PCDHGC3: variants seen among roughly 807,000 people sequenced by gnomAD.
PCDHGC3 encodes the protein protocadherin gamma subfamily C, 3, also known as protocadherin gamma-C3.
A neutral mutation model predicts 59.2 loss-of-function variants in PCDHGC3; 26 were observed. That is an observed-to-expected ratio of 0.44 (90% CI 0.32 to 0.61). PCDHGC3 has a LOEUF of 0.61. Among genes scored for constraint, PCDHGC3 ranks in the 20% least tolerant of loss-of-function variants. The pLI is 0.05. For missense variants in PCDHGC3, 1,080 were observed against 1,221.8 expected, an observed-to-expected ratio of 0.88 and a Z score of 1.73; for synonymous variants, 487 against 519.7, an observed-to-expected ratio of 0.94 and a Z score of 0.86.
In PCDHGC3 at chr5:141,487,737, T is replaced by G. The variant is rs1019622307; in HGVS notation, c.2431-7070T>G. 1 of 1,563,758 alleles carries G rather than the reference T, an allele frequency of 6.4e-7. No homozygotes were observed. The highest frequency in any genetic ancestry group is 8.7e-7 in the Non-Finnish European group (1 of 1,152,772). On this transcript the variant is annotated intron_variant, in intron 1 of 3. Transcript: ENST00000308177. This position sits in a 1 kb window ranked among gnomAD's most constrained non-coding sequence, Gnocchi z 5.0. ...GCCCATAGTGATGTCACCATTTTTG[T>G]AAGAGGTAACTATGTGGTAGACGCT...
chr5:141,477,245 A>G lies in PCDHGC3; in HGVS notation c.1129A>G (p.Thr377Ala). The change falls in exon 1 of 4, where the codon ACT (threonine) becomes GCT (alanine). Residue 377 changes from threonine to alanine, a missense_variant. Physicochemically the swap from Thr to Ala is moderately conservative, Grantham distance 58. Transcript: ENST00000308177. The surrounding 1 kb of genome is among the most constrained non-coding windows in gnomAD (Gnocchi z 4.9). ...LGTVIALLSVTDLDAGENGLV... is the reference protein window; with the variant it reads ...LGTVIALLSVADLDAGENGLV... ...GACTGTCATCGCTTTGCTCAGTGTG[A>G]CTGACCTGGATGCTGGCGAGAACGG... 3.7e-6 allele frequency: 6 copies of G among 1,614,128 alleles called. No homozygotes were observed. The highest frequency in any genetic ancestry group is 5.1e-6 in the Non-Finnish European group (6 of 1,180,026).
chr5:141,490,321 G>C lies in PCDHGC3; in HGVS notation c.2431-4486G>C. On this transcript the variant is annotated intron_variant, in intron 1 of 3. Coordinates refer to ENST00000308177, the MANE Select transcript of PCDHGC3 (RefSeq NM_002588.4). The surrounding 1 kb of genome is among the most constrained non-coding windows in gnomAD (Gnocchi z 5.4). ...GGCCTCTTTGGCCAACCCTGTCCTA[G>C]AGAGCACACCAGTGGGCACAGTAGT... 1.2e-6 allele frequency: 2 copies of C among 1,614,220 alleles called. No homozygotes were observed. The highest frequency in any genetic ancestry group is 1.7e-6 in the Non-Finnish European group (2 of 1,180,044).
rs561908431 is a variant in PCDHGC3, at chr5:141,510,639, TATC to T, written c.2579-304_2579-302del. Among the ~76,000 whole-genome samples the T allele has an allele frequency of 8.5e-3, 1,289 of 152,298 alleles. 6 individuals carry two copies. Among genetic ancestry groups the T allele is most frequent in the Middle Eastern group, 0.058 (17 of 294 alleles). On this transcript the variant is annotated intron_variant, in intron 3 of 3. Transcript: ENST00000308177. ...TAAAACCAGAAGAGGTGGTTACCAT[TATC>T]ATCCCCATTTTGCAGATGAGAAAAC...
rs778684539 is a variant in PCDHGC3 at position 141,477,205 on chromosome 5, G to A, written c.1089G>A (p.Glu363=). ...CCTCCGTGTACAGCCCAGTACCCGA[G>A]GATGCCCCTCTGGGGACTGTCATCG... ...TVTSVYSPVP[E]DAPLGTVIAL... The change falls in exon 1 of 4, where the codon GAG becomes GAA. Residue 363 remains glutamate (E), a synonymous_variant. Transcript: ENST00000308177. The surrounding 1 kb of genome is among the most constrained non-coding windows in gnomAD (Gnocchi z 4.9). 1 of 1,614,184 alleles carries A rather than the reference G, an allele frequency of 6.2e-7. No homozygotes were observed. The highest frequency in any genetic ancestry group is 8.5e-7 in the Non-Finnish European group (1 of 1,180,042).
chr5:141,477,301 C>T lies in PCDHGC3; in HGVS notation c.1185C>T (p.Leu395=), dbSNP rs756549446. The T allele has an allele frequency of 6.2e-7, 1 of 1,614,160 alleles. No homozygotes were observed. Among genetic ancestry groups the T allele is most frequent in the East Asian group, 2.2e-5 (1 of 44,872 alleles). Reference sequence around the variant, plus strand: ...TGACCTGCGAAGTTCCACCGGGTCTCCCTTTCAGCCTTACTTCTTCCCTCA... The same window carrying T: ...TGACCTGCGAAGTTCCACCGGGTCTTCCTTTCAGCCTTACTTCTTCCCTCA... ...GLVTCEVPPG[L]PFSLTSSLKN... Residue 395 remains leucine (L), a synonymous_variant, in exon 1 of 4, where the codon CTC becomes CTT. Coordinates refer to ENST00000308177, the MANE Select transcript of PCDHGC3 (RefSeq NM_002588.4). The surrounding 1 kb of genome is among the most constrained non-coding windows in gnomAD (Gnocchi z 4.9).
At chr5:141,483,385 G>C (rs1166547027) in intron 1 of PCDHGC3, among the ~76,000 whole-genome samples, 1 of 152,160 alleles carries the variant, frequency 6.6e-6, no homozygotes, top group Non-Finnish European at 1.5e-5. Context: ...AGAGAAGATT[G>C]ATAAATGCTT....
In PCDHGC3 at chr5:141,489,958, C is replaced by T; in HGVS notation, c.2431-4849C>T. 1 of 1,614,202 alleles carries T rather than the reference C, an allele frequency of 6.2e-7. No individual in the cohort carries two copies. The highest frequency in any genetic ancestry group is 8.5e-7 in the Non-Finnish European group (1 of 1,180,016). On this transcript the variant is annotated intron_variant, in intron 1 of 3. Transcript: ENST00000308177. This position sits in a 1 kb window ranked among gnomAD's most constrained non-coding sequence, Gnocchi z 4.5. ...CGTGCTGGACATCAATGATAATGCT[C>T]CAACCTTCCAATCCTCAGTTCTACG... is the stretch of plus-strand genomic sequence containing the variant.
At chr5:141,482,089 CAA>C (rs36035257) in intron 1 of PCDHGC3, among the ~76,000 whole-genome samples, 9,071 of 134,384 alleles carry the variant, frequency 0.068, 318 homozygotes, top group South Asian at 0.13. Context: ...CACTCCATCT[CAA>C]AAAAAAAAAA....
chr5:141,505,246 G>GAAGT, intron 2 of PCDHGC3, 147 bp from the exon 3 acceptor site: 3 of 1,436,674 alleles, frequency 2.1e-6, no homozygotes, highest in Non-Finnish European at 2.8e-6. Context: ...AAGGATTGTA[G>GAAGT]AAGTGCCTCC....
At chr5:141,502,739 A>C (rs1287180048) in intron 2 of PCDHGC3, among the ~76,000 whole-genome samples, 1 of 152,070 alleles carries the variant, frequency 6.6e-6, no homozygotes, top group Non-Finnish European at 1.5e-5. Flanking sequence ...ATGTTCTGTC[A>C]TTCCTTCTAC....
At chr5:141,506,930 T>C (rs2099857287) in intron 3 of PCDHGC3, among the ~76,000 whole-genome samples, 1 of 152,150 alleles carries the variant, frequency 6.6e-6, no homozygotes, top group African/African-American at 2.4e-5. Context: ...AAACAAACTT[T>C]AGGGGCCTCC....
In PCDHGC3 at chr5:141,487,161, T is replaced by G; in HGVS notation, c.2431-7646T>G. ...CTCTCTACCTCTGTTACTCTCTTAGTGTCCTTAGAGGAAGACACTCATCCA... is the reference window on the plus strand; with the variant it reads ...CTCTCTACCTCTGTTACTCTCTTAGGGTCCTTAGAGGAAGACACTCATCCA... On this transcript the variant is annotated intron_variant, in intron 1 of 3. Transcript: ENST00000308177. The surrounding 1 kb of genome is among the most constrained non-coding windows in gnomAD (Gnocchi z 5.0). The G allele has an allele frequency of 6.2e-7, 1 of 1,613,528 alleles. No individual in the cohort carries two copies. The highest frequency in any genetic ancestry group is 1.1e-5 in the South Asian group (1 of 91,072).
At chr5:141,479,048 C>A (rs1253895615) in intron 1 of PCDHGC3, among the ~76,000 whole-genome samples, 1 of 152,150 alleles carries the variant, frequency 6.6e-6, no homozygotes, top group Admixed American at 6.5e-5. Flanking sequence ...GTACCTCATT[C>A]TCAGATAATT....
rs1322608789 is a variant in PCDHGC3, at chr5:141,485,671, G to A, written c.2430+7125G>A. 3 of 1,612,860 alleles carry A rather than the reference G, an allele frequency of 1.9e-6. No homozygotes were observed. The highest frequency in any genetic ancestry group is 2.5e-6 in the Non-Finnish European group (3 of 1,179,040). On this transcript the variant is annotated intron_variant, in intron 1 of 3. Coordinates refer to ENST00000308177, the MANE Select transcript of PCDHGC3 (RefSeq NM_002588.4). This position sits in a 1 kb window ranked among gnomAD's most constrained non-coding sequence, Gnocchi z 5.7. Reference sequence around the variant, plus strand: ...AGGATGCAGATGTGGGGAGCAATTCGATTAGCAGCTATAGGCTGAGCTCCA... The same window carrying A: ...AGGATGCAGATGTGGGGAGCAATTCAATTAGCAGCTATAGGCTGAGCTCCA...
At chr5:141,503,229 T>C (rs986982708) in intron 2 of PCDHGC3, among the ~76,000 whole-genome samples, 1 of 152,080 alleles carries the variant, frequency 6.6e-6, no homozygotes, top group African/African-American at 2.4e-5. Context: ...ACCGTAAAGA[T>C]GGACAGTTTC....
intron 1 of PCDHGC3, 102 bp from the exon 2 acceptor site, chr5:141,494,705 G>A (rs2099756254): frequency 1.3e-6 from 2 of 1,597,990 alleles, no homozygotes; most frequent in East Asian, 2.2e-5. Context: ...TTTCTTCTCT[G>A]TGCCCACTCC....
At chr5:141,505,106 G>A (rs934779049) in intron 2 of PCDHGC3, among the ~76,000 whole-genome samples, 1 of 152,188 alleles carries the variant, frequency 6.6e-6, no homozygotes, top group Non-Finnish European at 1.5e-5. Context: ...ATGTTGCAAT[G>A]AGCCAAGATC....
At position 141,487,710 on chromosome 5, in the gene PCDHGC3, G is replaced by A. The variant is rs199722860; in HGVS notation, c.2431-7097G>A. ...CTAGAGAGTACTGGCCTCTCAGTAA[G>A]TGCCCATAGTGATGTCACCATTTTT... On this transcript the variant is annotated intron_variant, in intron 1 of 3. Transcript: ENST00000308177. The surrounding 1 kb of genome is among the most constrained non-coding windows in gnomAD (Gnocchi z 5.0). 3.8e-4 allele frequency: 596 copies of A among 1,586,168 alleles called. No individual in the cohort carries two copies. The highest frequency in any genetic ancestry group is 4.5e-4 in the Non-Finnish European group (529 of 1,164,386).
rs79464787 is a variant in PCDHGC3, at chr5:141,480,455, T to C, written c.2430+1909T>C. Among the ~76,000 whole-genome samples the C allele has an allele frequency of 7.4e-3, 1,134 of 152,274 alleles. 17 individuals are homozygous for C. The highest frequency in any genetic ancestry group is 0.026 in the African/African-American group (1,086 of 41,548). ...CAGCTATTACTATAATTATTTTTAT[T>C]AGTTCCTCACTCACCTAAAATCTCA... On this transcript the variant is annotated intron_variant, in intron 1 of 3. Transcript: ENST00000308177.
Sources: gnomAD v4.1 joint callset for allele counts (sites outside exome capture counted in the v4.1 genomes callset) on GRCh38, gnomAD v4.1.1 for gene constraint, Gnocchi (gnomAD v3.1) non-coding constraint, MANE v1.5 for transcripts, NCBI Gene and HGNC (gene_info 2026-07-23, HGNC 2026-07-21) for gene names.